Variants in HSD17B2 observed in about 807,000 individuals in gnomAD.
HSD17B2 encodes hydroxysteroid 17-beta dehydrogenase 2.
HSD17B2 carries 32 observed loss-of-function variants against 26.9 expected under a neutral mutation model. The ratio of observed to expected loss-of-function variants is 1.19; its 90% confidence interval spans 0.90 to 1.60. HSD17B2 has a LOEUF of 1.60. Ranked by LOEUF, HSD17B2 falls within the 40% of genes most tolerant of loss-of-function variation. HSD17B2 has a pLI of 0.00. For missense variants in HSD17B2, 613 were observed against 468.6 expected, an observed-to-expected ratio of 1.31 and a Z score of -2.85; for synonymous variants, 246 against 186.7, an observed-to-expected ratio of 1.32 and a Z score of -2.59.
At chr16:82,088,946 G>A (rs1322555255) in intron 3 of HSD17B2, among the ~76,000 whole-genome samples, 3 of 152,142 alleles carry the variant, frequency 2.0e-5, no homozygotes, top group African/African-American at 7.2e-5. Flanking sequence ...CTCACCAATT[G>A]TCTGAGAGAA....
chr16:82,095,420 C>A (rs1290944657), intron 4 of HSD17B2: 1 of 152,822 alleles, frequency 6.5e-6, no homozygotes, highest in African/African-American at 2.4e-5. Context: ...CCAGGAGTCA[C>A]CGAAGCTAGC....
At chr16:82,072,637 T>G (rs1914723111) in intron 3 of HSD17B2, among the ~76,000 whole-genome samples, 1 of 152,192 alleles carries the variant, frequency 6.6e-6, no homozygotes, top group Non-Finnish European at 1.5e-5. Flanking sequence ...ATTGCCAAAA[T>G]GTGCAGTATG....
chr16:82,065,914 T>G (rs139072185), intron 1 of HSD17B2, among the ~76,000 whole-genome samples: 67 of 152,310 alleles, frequency 4.4e-4, no homozygotes, highest in African/African-American at 1.4e-3. Context: ...AATAATTTTA[T>G]AAGACAGACT....
rs138461559 is a variant in HSD17B2, at chr16:82,077,139, C to T, written c.664+6012C>T. On this transcript the variant is annotated intron_variant, in intron 3 of 4. Transcript: ENST00000199936. Reference sequence around the variant, plus strand: ...GCAATCCATATCCAAATACCAATGACATTCTTCACAGAAATAGAAAAAGAA... The same window carrying T: ...GCAATCCATATCCAAATACCAATGATATTCTTCACAGAAATAGAAAAAGAA... 9.2e-3 allele frequency among the ~76,000 whole-genome samples: 1,394 copies of T among 152,282 alleles called. 14 individuals are homozygous for T. Among genetic ancestry groups the T allele is most frequent in the Non-Finnish European group, 0.014 (923 of 68,016 alleles).
intron 4 of HSD17B2, chr16:82,093,242 AG>A (rs1646788118): frequency 6.6e-6 from 1 of 152,174 alleles, no homozygotes; most frequent in South Asian, 2.1e-4. Context: ...ACCTCCCAAT[AG>A]GTAATCACCT....
chr16:82,035,715 AC>A, intron 1 of HSD17B2, 26 bp downstream of exon 1: 1 of 1,606,858 alleles, frequency 6.2e-7, no homozygotes, highest in Non-Finnish European at 8.5e-7. Context: ...TACAATTTTC[AC>A]TGAGGGTATG....
At chr16:82,095,912 G>A (rs146006856) in intron 4 of HSD17B2, 64 of 152,240 alleles carry the variant, frequency 4.2e-4, no homozygotes, top group African/African-American at 1.5e-3. Flanking sequence ...AACAAGGAAG[G>A]AATGTAGAAG....
At chr16:82,037,068 C>G (rs1345210344) in intron 1 of HSD17B2, among the ~76,000 whole-genome samples, 1 of 152,148 alleles carries the variant, frequency 6.6e-6, no homozygotes, top group African/African-American at 2.4e-5. Flanking sequence ...AATATGCACC[C>G]AACTCAGTGA....
At chr16:82,064,361 A>G (rs1241520214) in intron 1 of HSD17B2, among the ~76,000 whole-genome samples, 1 of 152,182 alleles carries the variant, frequency 6.6e-6, no homozygotes, top group African/African-American at 2.4e-5. Flanking sequence ...CTATGGCTTA[A>G]TAATATCTCA....
At chr16:82,070,832 A>C in intron 2 of HSD17B2, 110 bp from the exon 3 acceptor site, 1 of 1,004,586 alleles carries the variant, frequency 1.0e-6, no homozygotes, top group South Asian at 1.6e-5. Context: ...CTAATCCCCC[A>C]GGAGACCTGG....
intron 3 of HSD17B2, among the ~76,000 whole-genome samples, chr16:82,087,300 T>C (rs1326800981): frequency 6.6e-6 from 1 of 152,120 alleles, no homozygotes; most frequent in Non-Finnish European, 1.5e-5. Flanking sequence ...TGTTTTTACC[T>C]TGAGAAAATT....
At chr16:82,058,071 ATTT>A (rs72053726) in intron 1 of HSD17B2, among the ~76,000 whole-genome samples, 9 of 141,330 alleles carry the variant, frequency 6.4e-5, no homozygotes, top group Admixed American at 7.1e-5. Flanking sequence ...GTTGTTGTTA[ATTT>A]TTTTTTTTTT....
chr16:82,035,301 C>T lies in HSD17B2; in HGVS notation c.-124C>T. ...TTAATCTATGCTCAGTTGAAAGGGG[C>T]TGGGGCTGCTTTCTCCCCTCCCTTC... On this transcript the variant is annotated 5_prime_UTR_variant, in exon 1 of 5. Transcript: ENST00000199936. 2.5e-6 allele frequency: 2 copies of T among 812,082 alleles called. No homozygotes were observed. The highest frequency in any genetic ancestry group is 1.7e-5 in the South Asian group (1 of 58,404). 50.3% of individuals were successfully genotyped at this position (812,082 alleles called of 1,614,324 possible). A position where few individuals can be genotyped will look rare whatever the true frequency, so the allele number is the denominator to read the frequency against.
chr16:82,098,089 A>C lies in HSD17B2; in HGVS notation c.817A>C (p.Ser273Arg). ...GGFLTNIAGT[S>R]DKWEKLEKDI... Reference sequence around the variant, plus strand: ...TTTCACCCCAGATATCGCAGGCACCAGTGACAAGTGGGAAAAGCTGGAGAA... The same window carrying C: ...TTTCACCCCAGATATCGCAGGCACCCGTGACAAGTGGGAAAAGCTGGAGAA... The change falls in exon 5 of 5, where the codon AGT becomes CGT. Residue 273 changes from serine (S) to arginine (R), a missense_variant. Ser to Arg is a moderately radical substitution (Grantham distance 110). Coordinates refer to ENST00000199936, the MANE Select transcript of HSD17B2 (RefSeq NM_002153.3). 6.2e-7 allele frequency: 1 copy of C among 1,612,548 alleles called. No individual in the cohort carries two copies. The highest frequency in any genetic ancestry group is 1.1e-5 in the South Asian group (1 of 90,890).
chr16:82,065,760 G>A (rs1914556034), intron 1 of HSD17B2, among the ~76,000 whole-genome samples: 1 of 152,224 alleles, frequency 6.6e-6, no homozygotes, highest in Non-Finnish European at 1.5e-5. Context: ...GGCTGGTCCA[G>A]TACGACAGTG....
At chr16:82,041,491 A>G (rs1166802680) in intron 1 of HSD17B2, among the ~76,000 whole-genome samples, 1 of 152,180 alleles carries the variant, frequency 6.6e-6, no homozygotes, top group Non-Finnish European at 1.5e-5. Flanking sequence ...CTTTATGCTG[A>G]TTTGGTTCTA....
At chr16:82,047,918 G>C (rs760394906) in intron 1 of HSD17B2, among the ~76,000 whole-genome samples, 6 of 152,216 alleles carry the variant, frequency 3.9e-5, no homozygotes, top group Non-Finnish European at 8.8e-5. Context: ...ATGATTCTGA[G>C]GGTCTGAGGG....
chr16:82,059,048 T>C (rs1467763859), intron 1 of HSD17B2, among the ~76,000 whole-genome samples: 1 of 152,218 alleles, frequency 6.6e-6, no homozygotes, highest in Non-Finnish European at 1.5e-5. Flanking sequence ...CGTACTCTGA[T>C]GGAGATCACC....
chr16:82,089,201 T>C (rs1434255914), intron 3 of HSD17B2, among the ~76,000 whole-genome samples: 1 of 152,224 alleles, frequency 6.6e-6, no homozygotes, highest in African/African-American at 2.4e-5. Context: ...GAACTTTACA[T>C]GAAGGGAATT....
Sources: allele counts gnomAD v4.1 joint callset (sites outside exome capture counted in the v4.1 genomes callset), GRCh38; gene constraint gnomAD v4.1.1; transcripts MANE v1.5; gene names NCBI Gene and HGNC (gene_info 2026-07-23, HGNC 2026-07-21).